CEP112: variants seen among roughly 807,000 people sequenced by gnomAD.
The protein encoded by CEP112 is centrosomal protein 112.
CEP112 carries 127 observed loss-of-function variants against 153.0 expected under a neutral mutation model. The observed-to-expected ratio is 0.83, with a 90% confidence interval of 0.72 to 0.96. The LOEUF is 0.96. Ranked by LOEUF, CEP112 falls within the 40% of genes least tolerant of loss-of-function variation. The probability of loss-of-function intolerance (pLI) is 0.00; values close to 1 mark genes in which losing one functional copy is unlikely to be tolerated. For synonymous variants in CEP112, 358 were observed against 374.4 expected (o/e 0.96, Z 0.51); for missense variants, 1,089 against 1,101.2 (o/e 0.99, Z 0.16).
intron 8 of CEP112, among the ~76,000 whole-genome samples, chr17:66,095,478 A>T (rs544724836): frequency 2.6e-5 from 4 of 152,318 alleles, no homozygotes; most frequent in Admixed American, 2.6e-4. Flanking sequence ...GTGAACTCAC[A>T]AAAGTAGAGA....
At chr17:65,907,330 C>A (rs1223323110) in intron 19 of CEP112, among the ~76,000 whole-genome samples, 1 of 152,092 alleles carries the variant, frequency 6.6e-6, no homozygotes, top group African/African-American at 2.4e-5. Flanking sequence ...AAGGAAATAG[C>A]GGTTATCACA....
At chr17:66,190,994 T>C (rs1301526710) in intron 1 of CEP112, among the ~76,000 whole-genome samples, 1 of 152,190 alleles carries the variant, frequency 6.6e-6, no homozygotes, top group African/African-American at 2.4e-5. Flanking sequence ...TAAAAAGGAT[T>C]AGAGGTGCAC....
intron 25 of CEP112, 112 bp from the exon 26 acceptor site, chr17:65,637,300 A>G: frequency 1.3e-6 from 1 of 757,736 alleles, no homozygotes; most frequent in Non-Finnish European, 2.3e-6. Flanking sequence ...GATAAAACTC[A>G]GAGGATTTGT....
At chr17:66,101,796 T>C (rs2068580215) in intron 6 of CEP112, among the ~76,000 whole-genome samples, 1 of 152,004 alleles carries the variant, frequency 6.6e-6, no homozygotes, top group Non-Finnish European at 1.5e-5. Context: ...TTTTAAATAA[T>C]GTTAATTCTG....
chr17:65,699,610 C>A (rs2048523773), intron 23 of CEP112, among the ~76,000 whole-genome samples: 1 of 152,194 alleles, frequency 6.6e-6, no homozygotes, highest in South Asian at 2.1e-4. Flanking sequence ...AGAAATTGGC[C>A]ACATTTCTTT....
chr17:65,825,087 C>T (rs1450255938), intron 21 of CEP112, among the ~76,000 whole-genome samples: 1 of 152,108 alleles, frequency 6.6e-6, no homozygotes, highest in Admixed American at 6.5e-5. Flanking sequence ...ACTGTCTGTC[C>T]ATTGGCAGAT....
At chr17:65,636,873 A>C in intron 26 of CEP112, 2 of 416,732 alleles carry the variant, frequency 4.8e-6, no homozygotes, top group Non-Finnish European at 8.5e-6. Context: ...TGGCCTCCCA[A>C]AGTGCTGGGA....
chr17:65,640,316 G>A (rs1054096449), intron 25 of CEP112, among the ~76,000 whole-genome samples: 10 of 151,478 alleles, frequency 6.6e-5, no homozygotes, highest in South Asian at 6.3e-4. Context: ...ACCACGCCCC[G>A]CTAATTTTTG....
intron 5 of CEP112, among the ~76,000 whole-genome samples, chr17:66,130,878 A>C (rs1488520218): frequency 1.3e-5 from 2 of 152,064 alleles, no homozygotes; most frequent in African/African-American, 4.8e-5. Context: ...TGTATTACAC[A>C]TTTATCAGCC....
chr17:65,999,875 T>C (rs1279600432), intron 17 of CEP112, among the ~76,000 whole-genome samples: 3 of 152,152 alleles, frequency 2.0e-5, no homozygotes, highest in Non-Finnish European at 4.4e-5. Context: ...CCAGCTCTAG[T>C]CATGTTCCTG....
intron 22 of CEP112, among the ~76,000 whole-genome samples, chr17:65,748,001 T>A (rs570582276): frequency 1.3e-5 from 2 of 152,336 alleles, no homozygotes; most frequent in South Asian, 4.1e-4. Flanking sequence ...CTTTTAGTGT[T>A]CTCATCAGCC....
chr17:66,100,179 C>G (rs2068508935), intron 6 of CEP112, among the ~76,000 whole-genome samples: 1 of 151,700 alleles, frequency 6.6e-6, no homozygotes, highest in Non-Finnish European at 1.5e-5. Flanking sequence ...GTGGGCGGAT[C>G]ACAAGGTCAG....
chr17:65,886,877 CTATAA>C (rs1213045228), intron 20 of CEP112, among the ~76,000 whole-genome samples: 1 of 151,990 alleles, frequency 6.6e-6, no homozygotes, highest in Admixed American at 6.6e-5. Context: ...GCAGCTATAA[CTATAA>C]TATAACATTA....
intron 1 of CEP112, among the ~76,000 whole-genome samples, chr17:66,190,286 G>A (rs940159674): frequency 6.6e-6 from 1 of 151,126 alleles, no homozygotes; most frequent in African/African-American, 2.4e-5. Flanking sequence ...TCCAGCCTGG[G>A]TGACAAGAGC....
intron 4 of CEP112, among the ~76,000 whole-genome samples, chr17:66,132,983 G>A (rs932617478): frequency 6.6e-6 from 1 of 151,794 alleles, no homozygotes; most frequent in Non-Finnish European, 1.5e-5. Flanking sequence ...AGGTTGCAGT[G>A]AGCTGAGATT....
At chr17:65,936,853 C>T (rs147160371) in intron 18 of CEP112, among the ~76,000 whole-genome samples, 8,049 of 146,160 alleles carry the variant, frequency 0.055, 338 homozygotes, top group African/African-American at 0.1. Flanking sequence ...CCACGGTCTC[C>T]CTCTGATGCC....
At chr17:66,114,816 C>T (rs1471109326) in intron 6 of CEP112, among the ~76,000 whole-genome samples, 2 of 152,060 alleles carry the variant, frequency 1.3e-5, no homozygotes, top group African/African-American at 2.4e-5. Context: ...TATTAAAATG[C>T]ACCTAACTGT....
At chr17:65,856,322 G>T (rs1439590962) in intron 20 of CEP112, among the ~76,000 whole-genome samples, 1 of 152,272 alleles carries the variant, frequency 6.6e-6, no homozygotes, top group Non-Finnish European at 1.5e-5. Context: ...AATATTTGTG[G>T]AGGACAGAGG....
At chr17:65,898,039 T>C (rs2059717664) in intron 20 of CEP112, among the ~76,000 whole-genome samples, 1 of 152,154 alleles carries the variant, frequency 6.6e-6, no homozygotes, top group South Asian at 2.1e-4. Context: ...TGTAATATTT[T>C]TTCTTCAGTA....
Sources: gnomAD v4.1 joint callset for allele counts (sites outside exome capture counted in the v4.1 genomes callset) on GRCh38, gnomAD v4.1.1 for gene constraint, MANE v1.5 for transcripts, NCBI Gene and HGNC (gene_info 2026-07-23, HGNC 2026-07-21) for gene names.